Variants in UNC79 observed in about 807,000 individuals in gnomAD.
UNC79 encodes protein unc-79 homolog.
UNC79 carries 37 observed loss-of-function variants against 283.1 expected under a neutral mutation model. The ratio of observed to expected loss-of-function variants is 0.13; its 90% CI spans 0.10 to 0.17. The LOEUF is 0.17. UNC79 is among the 10% of genes least tolerant of loss of function. UNC79 has a pLI of 1.00. For synonymous variants in UNC79, 1,107 were observed against 1,200.2 expected (o/e 0.92, Z 1.61); for missense variants, 2,272 against 3,211.1 (o/e 0.71, Z 7.07).
intron 1 of UNC79, among the ~76,000 whole-genome samples, chr14:93,346,120 T>C (rs1009825745): frequency 6.6e-6 from 1 of 151,988 alleles, no homozygotes; most frequent in Non-Finnish European, 1.5e-5. Context: ...TGAGGAACTT[T>C]ATCACCTACA....
At chr14:93,355,290 T>G (rs2054063948) in intron 1 of UNC79, among the ~76,000 whole-genome samples, 1 of 152,134 alleles carries the variant, frequency 6.6e-6, no homozygotes, top group Middle Eastern at 3.2e-3. Context: ...CTCCGCCTTC[T>G]GGTTTCAAGC....
chr14:93,582,260 G>A, exon 20 of UNC79: 10 of 1,614,178 alleles, frequency 6.2e-6, no homozygotes, highest in Non-Finnish European at 8.5e-6. Context: ...GTTTATCATA[G>A]GCCCTGAAGG....
intron 23 of UNC79, among the ~76,000 whole-genome samples, chr14:93,596,232 AC>A (rs2065071658): frequency 6.6e-6 from 1 of 152,244 alleles, no homozygotes. Context: ...AATGAGTAGT[AC>A]TTTTACAGGA....
At chr14:93,651,801 G>A (rs1374290989) in intron 35 of UNC79, among the ~76,000 whole-genome samples, 2 of 151,450 alleles carry the variant, frequency 1.3e-5, no homozygotes, top group Non-Finnish European at 2.9e-5. Flanking sequence ...ATGCAGTGGT[G>A]CAATCTCGGC....
chr14:93,679,643 TATC>T lies in UNC79; in HGVS notation c.6742-2971_6742-2969del, dbSNP rs200871070. On this transcript the variant is annotated intron_variant, in intron 41 of 48. Coordinates refer to ENST00000555664, the Ensembl canonical transcript of UNC79. ...AGCTGTTGTTTTTAATTCACAGAGT[TATC>T]ATTGAATGGGGTTATTAATATTAGT... 6.4e-4 allele frequency among the ~76,000 whole-genome samples: 97 copies of T among 152,334 alleles called. No homozygotes were observed. In the East Asian group the frequency reaches 0.017, roughly 26 times the overall value.
At chr14:93,598,166 T>C (rs1203392730) in intron 24 of UNC79, among the ~76,000 whole-genome samples, 1 of 152,158 alleles carries the variant, frequency 6.6e-6, no homozygotes, top group Non-Finnish European at 1.5e-5. Context: ...TTTAACTTTT[T>C]TTTTTGTAGA....
chr14:93,525,383 A>T (rs1483812786), intron 8 of UNC79, among the ~76,000 whole-genome samples: 1 of 151,996 alleles, frequency 6.6e-6, no homozygotes, highest in Non-Finnish European at 1.5e-5. Context: ...AGGGAGGTGG[A>T]GGTTGCAGTG....
chr14:93,597,453 C>T, exon 24 of UNC79: 1 of 1,614,198 alleles, frequency 6.2e-7, no homozygotes. Context: ...CCTTCTGCTG[C>T]TTCCTGACAG....
At chr14:93,647,762 A>G (rs1402903085) in intron 35 of UNC79, among the ~76,000 whole-genome samples, 1 of 152,178 alleles carries the variant, frequency 6.6e-6, no homozygotes, top group Non-Finnish European at 1.5e-5. Flanking sequence ...CACACTGCTG[A>G]TAATGACATG....
intron 14 of UNC79, among the ~76,000 whole-genome samples, chr14:93,549,661 G>C (rs1018387722): frequency 6.6e-6 from 1 of 152,162 alleles, no homozygotes; most frequent in Admixed American, 6.5e-5. Flanking sequence ...ATTCAGAAAG[G>C]CTCCAGCATA....
At chr14:93,342,293 A>G (rs2053730589) in intron 1 of UNC79, among the ~76,000 whole-genome samples, 1 of 152,210 alleles carries the variant, frequency 6.6e-6, no homozygotes, top group Non-Finnish European at 1.5e-5. Flanking sequence ...GAAGCTTCCA[A>G]GGCTTGGAGC....
rs541367015 is a variant in UNC79 at position 93,410,416 on chromosome 14, G to A, written c.-350-57255G>A. Among the ~76,000 whole-genome samples, 138 of 152,274 alleles carry A rather than the reference G, an allele frequency of 9.1e-4. 1 individual carries two copies. Among genetic ancestry groups the A allele is most frequent in the African/African-American group, 3.1e-3 (129 of 41,542 alleles). On this transcript the variant is annotated intron_variant, in intron 1 of 49. Transcript: ENST00000256339. ...AAGGAACTCCTGGGTGAGTCCTAGTGCTGAACTGGTATCAGAGCCAGTGGA... is the reference window on the plus strand; with the variant it reads ...AAGGAACTCCTGGGTGAGTCCTAGTACTGAACTGGTATCAGAGCCAGTGGA...
chr14:93,387,570 T>C (rs563445863), intron 1 of UNC79, among the ~76,000 whole-genome samples: 1 of 152,338 alleles, frequency 6.6e-6, no homozygotes, highest in East Asian at 1.9e-4. Flanking sequence ...TCGTTATTCA[T>C]TTGTAGTTTT....
intron 2 of UNC79, among the ~76,000 whole-genome samples, chr14:93,471,356 C>T (rs990071094): frequency 2.6e-5 from 4 of 152,062 alleles, no homozygotes; most frequent in Non-Finnish European, 5.9e-5. Flanking sequence ...TTCCTCACAC[C>T]AACAGAGGTC....
chr14:93,580,559 T>G (rs911984582), intron 19 of UNC79, among the ~76,000 whole-genome samples, 183 bp downstream of exon 19: 1 of 152,226 alleles, frequency 6.6e-6, no homozygotes, highest in Non-Finnish European at 1.5e-5. Flanking sequence ...GGATACAAAC[T>G]GAAGCCACGC....
intron 41 of UNC79, among the ~76,000 whole-genome samples, chr14:93,675,257 C>T (rs1340201185): frequency 6.6e-6 from 1 of 152,118 alleles, no homozygotes; most frequent in Non-Finnish European, 1.5e-5. Flanking sequence ...CAATTACTCT[C>T]CTGAAAGTCT....
intron 7 of UNC79, among the ~76,000 whole-genome samples, chr14:93,508,344 C>A (rs2059652429): frequency 6.6e-6 from 1 of 152,024 alleles, no homozygotes; most frequent in African/African-American, 2.4e-5. Context: ...CATGGTGAGA[C>A]CCTATCCCTG....
intron 1 of UNC79, among the ~76,000 whole-genome samples, chr14:93,388,080 C>T (rs2054814515): frequency 6.6e-6 from 1 of 152,044 alleles, no homozygotes; most frequent in Admixed American, 6.6e-5. Flanking sequence ...CCATGCACTG[C>T]ACATGGCCAG....
chr14:93,598,409 T>TGG (rs1555368426), intron 24 of UNC79, among the ~76,000 whole-genome samples: 446 of 38,936 alleles, frequency 0.011, 5 homozygotes, highest in Non-Finnish European at 0.024. Context: ...TGTGTGTGTG[T>TGG]GGCAGATTTT....
Sources: gnomAD v4.1 joint callset for allele counts (sites outside exome capture counted in the v4.1 genomes callset) on GRCh38, gnomAD v4.1.1 for gene constraint, MANE v1.5 for transcripts, NCBI Gene and HGNC (gene_info 2026-07-23, HGNC 2026-07-21) for gene names.